The following KIF11 variants were observed in gnomAD, a reference collection of about 807,000 sequenced individuals.
KIF11 encodes the protein kinesin family member 11, also known as kinesin-like protein KIF11.
KIF11 carries 9 observed loss-of-function variants against 121.0 expected under a neutral mutation model. The observed-to-expected ratio is 0.07, with a 90% CI of 0.04 to 0.13. KIF11 has a LOEUF of 0.13. Ranked by LOEUF, KIF11 falls within the 10% of genes least tolerant of loss-of-function variation. KIF11 has a pLI of 1.00. For synonymous variants in KIF11, 408 were observed against 421.0 expected (o/e 0.97, Z 0.38); for missense variants, 846 against 1,217.5 (o/e 0.69, Z 4.54).
At chr10:92,598,213 A>T (rs1264195781) in intron 1 of KIF11, among the ~76,000 whole-genome samples, 8 of 151,438 alleles carry the variant, frequency 5.3e-5, no homozygotes, top group Non-Finnish European at 1.0e-4. Flanking sequence ...TTTTCTTCTA[A>T]GAGTTTTATA....
chr10:92,650,410 G>T lies in KIF11; in HGVS notation c.2932G>T (p.Val978Leu), dbSNP rs1388783846. The change falls in exon 21 of 22, where the codon GTA (valine) becomes TTA (leucine). Residue 978 changes from valine to leucine, a missense_variant. This residue lies in a region of KIF11 where 492 missense variants were observed against 603.4 expected (regional missense o/e 0.82). Coordinates refer to ENST00000260731, the MANE Select transcript of KIF11 (RefSeq NM_004523.4). ...CAGTTTCTTCTTTTAGGATGTGGAT[G>T]TAGAAGAGGCAGTTCTGGGGCAGTA... ...NKEETIPDVDVEEAVLGQYTE... is the reference protein window; with the variant it reads ...NKEETIPDVDLEEAVLGQYTE... The T allele has an allele frequency of 6.2e-7, 1 of 1,600,716 alleles. No individual in the cohort carries two copies.
intron 10 of KIF11, among the ~76,000 whole-genome samples, chr10:92,626,274 C>T (rs1392507286): frequency 1.3e-5 from 2 of 152,216 alleles, no homozygotes; most frequent in Non-Finnish European, 2.9e-5. Flanking sequence ...CACACACCTA[C>T]AGCCATCTGA....
chr10:92,603,342 C>T (rs535646603), intron 1 of KIF11, among the ~76,000 whole-genome samples: 40 of 148,116 alleles, frequency 2.7e-4, no homozygotes, highest in Admixed American at 4.8e-4. Context: ...CTTGGCTCAC[C>T]GCAACCTCCA....
chr10:92,612,910 A>G (rs947371894), intron 6 of KIF11, 130 bp from the exon 7 acceptor site: 3 of 572,606 alleles, frequency 5.2e-6, no homozygotes, highest in Non-Finnish European at 9.3e-6. Flanking sequence ...AATATTCTTG[A>G]TATCTCCTGT....
Position 92,613,602 on chromosome 10 carries a change from G to A in KIF11, c.1015G>A (p.Ala339Thr). The stretch of plus-strand genomic sequence containing the variant: ...ATCTATAATTGCAACAATTTCTCCT[G>A]CATCTCTCAATCTTGAGGTAAGCCC... ...RTSIIATISP[A>T]SLNLEETLST... The change falls in exon 8 of 22, where the codon GCA becomes ACA. Residue 339 changes from alanine to threonine, a missense_variant. Physicochemically the swap from Ala to Thr is moderately conservative, Grantham distance 58. Around this residue, in one of 5 missense-constraint regions of KIF11, gnomAD observed 116 missense variants for 285.3 expected, o/e 0.41. Transcript: ENST00000260731. The surrounding 1 kb of genome is among the most constrained non-coding windows in gnomAD (Gnocchi z 4.2). 1.2e-6 allele frequency: 2 copies of A among 1,612,712 alleles called. No homozygotes were observed. Among genetic ancestry groups the A allele is most frequent in the Non-Finnish European group, 1.7e-6 (2 of 1,179,322 alleles).
At position 92,596,058 on chromosome 10, in the gene KIF11, G is replaced by A. The variant is rs1844292413; in HGVS notation, c.77+2606G>A. 2.6e-5 allele frequency among the ~76,000 whole-genome samples: 4 copies of A among 152,168 alleles called. No individual in the cohort carries two copies. In the South Asian group the frequency reaches 8.3e-4, roughly 32 times the overall value. On this transcript the variant is annotated intron_variant, in intron 1 of 21. Transcript: ENST00000260731. ...GCTCTGTTGCCCAGGCTGGAGTGCA[G>A]TGGCGCGGTCTTGGCTCACACTGCA...
In KIF11 at chr10:92,612,796, A is replaced by T. The variant is rs61011943; in HGVS notation, c.699-244A>T. Among the ~76,000 whole-genome samples, 19,439 of 152,066 alleles carry T rather than the reference A, an allele frequency of 0.13. 3,303 individuals carry two copies. The highest frequency in any genetic ancestry group is 0.39 in the African/African-American group (16,157 of 41,358). ...ATCCAGCTTTCAGAGGTGCCTCAGG[A>T]TTCTAAGTCTTTTAGAGAGCTTCTT... On this transcript the variant is annotated intron_variant, in intron 6 of 21. Coordinates refer to ENST00000260731, the MANE Select transcript of KIF11 (RefSeq NM_004523.4).
chr10:92,599,479 C>T (rs1266538106), intron 1 of KIF11, among the ~76,000 whole-genome samples: 3 of 145,348 alleles, frequency 2.1e-5, no homozygotes, highest in South Asian at 2.3e-4. Flanking sequence ...GAGCCAAGAT[C>T]GTGCCACTGT....
intron 6 of KIF11, among the ~76,000 whole-genome samples, chr10:92,610,624 T>C (rs958229135): frequency 3.9e-5 from 6 of 152,142 alleles, no homozygotes; most frequent in Non-Finnish European, 8.8e-5. Flanking sequence ...TAGTCTCAGT[T>C]TCGCGGTTAA....
chr10:92,633,902 C>T (rs1016874035), intron 14 of KIF11, 107 bp downstream of exon 14: 3 of 701,570 alleles, frequency 4.3e-6, no homozygotes, highest in Admixed American at 2.9e-5. Flanking sequence ...ATGTTAACTG[C>T]TATTCTTTCT....
At chr10:92,609,924 A>G (rs2135903187) in intron 6 of KIF11, among the ~76,000 whole-genome samples, 1 of 152,178 alleles carries the variant, frequency 6.6e-6, no homozygotes, top group East Asian at 1.9e-4. Context: ...TTTGGTAGAG[A>G]TGTGGTTTCA....
intron 16 of KIF11, 26 bp downstream of exon 16, chr10:92,637,571 G>T (rs1226438854): frequency 7.0e-6 from 11 of 1,581,004 alleles, no homozygotes; most frequent in Non-Finnish European, 9.4e-6. Context: ...GACTTGGGGA[G>T]TACAGAAAGA....
At position 92,593,272 on chromosome 10, in the gene KIF11, G is replaced by T; in HGVS notation, c.-104G>T. On this transcript the variant is annotated 5_prime_UTR_variant, in exon 1 of 22. Coordinates refer to ENST00000260731, the MANE Select transcript of KIF11 (RefSeq NM_004523.4). ...GGTCCTCCAGGCCACGCCAGCGCCC[G>T]AGAGGGACCAGGGAGACTCCGGCCC... 1 of 1,215,812 alleles carries T rather than the reference G, an allele frequency of 8.2e-7. No homozygotes were observed. Among genetic ancestry groups the T allele is most frequent in the South Asian group, 1.4e-5 (1 of 69,040 alleles). 75.3% of individuals were successfully genotyped at this position (1,215,812 alleles called of 1,614,324 possible).
chr10:92,621,407 G>A lies in KIF11; in HGVS notation c.1151G>A (p.Arg384His), dbSNP rs762253167. Residue 384 changes from arginine to histidine, a missense_variant, in exon 10 of 22, where the codon CGT (arginine) becomes CAT (histidine). Physicochemically the swap from Arg to His is conservative, Grantham distance 29. Transcript: ENST00000260731. ...TAGGAGTATACGGAGGAGATAGAACGTTTAAAACGAGATCTTGCTGCAGCC... is the reference window on the plus strand; with the variant it reads ...TAGGAGTATACGGAGGAGATAGAACATTTAAAACGAGATCTTGCTGCAGCC... ...LIKEYTEEIE[R>H]LKRDLAAARE... is the part of the protein sequence containing the mutation. 6.2e-6 allele frequency: 10 copies of A among 1,612,610 alleles called. No individual in the cohort carries two copies. The highest frequency in any genetic ancestry group is 4.4e-5 in the South Asian group (4 of 91,032).
intron 12 of KIF11, among the ~76,000 whole-genome samples, chr10:92,631,280 C>A (rs1414189758): frequency 5.1e-5 from 7 of 135,974 alleles, no homozygotes; most frequent in African/African-American, 1.7e-4. Context: ...GGTAACAGAG[C>A]AAGACTCTGT....
At position 92,632,569 on chromosome 10, in the gene KIF11, C is replaced by T. The variant is rs112145870; in HGVS notation, c.1578C>T (p.His526=). The T allele has an allele frequency of 1.2e-5, 19 of 1,613,312 alleles. 1 individual carries two copies. In the Admixed American group the frequency reaches 2.3e-4, roughly 20 times the overall value. ...ATCGTAAGAAGGCAGTTGACCAACA[C>T]AATGCAGAAGCTCAGGATATTTTTG... ...KLDRKKAVDQ[H]NAEAQDIFGK... The change falls in exon 13 of 22, where the codon CAC becomes CAT. Residue 526 remains histidine, a synonymous_variant. Transcript: ENST00000260731.
chr10:92,610,148 A>T (rs1844479792), intron 6 of KIF11, among the ~76,000 whole-genome samples: 1 of 152,180 alleles, frequency 6.6e-6, no homozygotes, highest in Non-Finnish European at 1.5e-5. Flanking sequence ...TCTGAGGCTT[A>T]CCTCCTTAGC....
chr10:92,595,013 G>T (rs1449579971), intron 1 of KIF11, among the ~76,000 whole-genome samples: 1 of 152,124 alleles, frequency 6.6e-6, no homozygotes, highest in African/African-American at 2.4e-5. Flanking sequence ...AGGGCCCAGA[G>T]AAATAAATAT....
intron 14 of KIF11, among the ~76,000 whole-genome samples, chr10:92,635,440 T>G (rs1844785522): frequency 6.6e-6 from 1 of 152,176 alleles, no homozygotes; most frequent in African/African-American, 2.4e-5. Flanking sequence ...CCGGTGCATA[T>G]AAAGGTTATG....
Sources: allele counts gnomAD v4.1 joint callset (sites outside exome capture counted in the v4.1 genomes callset), GRCh38; gene constraint gnomAD v4.1.1; regional missense constraint gnomAD v4.1.1; non-coding constraint Gnocchi (gnomAD v3.1); transcripts MANE v1.5; gene names NCBI Gene and HGNC (gene_info 2026-07-23, HGNC 2026-07-21).